Variants in ELP6 observed in about 807,000 individuals in gnomAD.
ELP6 encodes the protein elongator acetyltransferase complex subunit 6, also known as elongator complex protein 6.
ELP6 carries 23 observed loss-of-function variants against 28.1 expected under a neutral mutation model. That is an observed-to-expected ratio of 0.82 (90% confidence interval 0.59 to 1.16). The LOEUF (loss-of-function observed/expected upper bound fraction) is 1.16. Among genes scored for constraint, ELP6 ranks in the 50% most tolerant of loss-of-function variants. ELP6 has a pLI of 0.00. For missense variants in ELP6, 313 were observed against 334.6 expected, an observed-to-expected ratio of 0.94 and a Z score of 0.50; for synonymous variants, 132 against 135.8, an observed-to-expected ratio of 0.97 and a Z score of 0.19.
At chr3:47,498,796 C>G in intron 5 of ELP6, 2 of 775,690 alleles carry the variant, frequency 2.6e-6, no homozygotes, top group East Asian at 1.3e-4. Flanking sequence ...TGTACCAGAT[C>G]CCACAGTAGG....
intron 6 of ELP6, 32 bp downstream of exon 6, chr3:47,498,254 A>C: frequency 6.2e-7 from 1 of 1,610,868 alleles, no homozygotes; most frequent in Non-Finnish European, 8.5e-7. Context: ...TACACGGGCA[A>C]GAAGCCTGTT....
In ELP6 at chr3:47,513,681, G is replaced by C. The variant is rs1275735009; in HGVS notation, c.-91C>G. ...AGAGCAAAACACACCCGACAGCCCG[G>C]CTCGCGCAAGGAAGCGCGCATGCGC... On this transcript the variant is annotated 5_prime_UTR_variant, in exon 1 of 7. Coordinates refer to ENST00000296149, the MANE Select transcript of ELP6 (RefSeq NM_001031703.3). 2.6e-6 allele frequency: 4 copies of C among 1,534,188 alleles called. No individual in the cohort carries two copies. The highest frequency in any genetic ancestry group is 2.3e-5 in the South Asian group (2 of 86,584).
intron 3 of ELP6, among the ~76,000 whole-genome samples, chr3:47,508,437 C>T (rs1290692861): frequency 3.3e-5 from 5 of 151,958 alleles, no homozygotes; most frequent in Non-Finnish European, 7.4e-5. Flanking sequence ...GTAGAATGCA[C>T]GCCCCATGAG....
At chr3:47,497,629 C>A (rs926797554) in intron 6 of ELP6, among the ~76,000 whole-genome samples, 1 of 151,036 alleles carries the variant, frequency 6.6e-6, no homozygotes, top group African/African-American at 2.4e-5. Context: ...GAGTCTCCAC[C>A]TGTAAAAGGA....
chr3:47,504,095 G>C, intron 4 of ELP6: 1 of 475,026 alleles, frequency 2.1e-6, no homozygotes. Flanking sequence ...AAAGCATATA[G>C]TTCTGCCATC....
rs1708537236 is a variant in ELP6, at chr3:47,498,268, C to T, written c.672+18G>A. The T allele has an allele frequency of 6.2e-7, 1 of 1,612,370 alleles. No individual in the cohort carries two copies. The highest frequency in any genetic ancestry group is 1.7e-5 in the Admixed American group (1 of 59,966). ...GTACACGGGCAAGAAGCCTGTTGCCCAGGAGGCCCCTGCATACCTGCCCGT... is the reference window on the plus strand; with the variant it reads ...GTACACGGGCAAGAAGCCTGTTGCCTAGGAGGCCCCTGCATACCTGCCCGT... On this transcript the variant is annotated intron_variant, in intron 6 of 6. Coordinates refer to ENST00000296149, the MANE Select transcript of ELP6 (RefSeq NM_001031703.3).
chr3:47,509,520 G>A (rs1428079862), intron 3 of ELP6, among the ~76,000 whole-genome samples: 1 of 152,222 alleles, frequency 6.6e-6, no homozygotes, highest in African/African-American at 2.4e-5. Flanking sequence ...GGGGTCTGAA[G>A]CCCTAGACTT....
rs368832691 is a variant in ELP6, at chr3:47,512,910, C to A, written c.54+627G>T. 8 of 985,578 alleles carry A rather than the reference C, an allele frequency of 8.1e-6. No homozygotes were observed. In the African/African-American group the frequency reaches 1.2e-4, roughly 15 times the overall value. The allele number at this position is 985,578 out of a possible 1,614,324, so 61.1% of individuals were successfully genotyped here. On this transcript the variant is annotated intron_variant, in intron 1 of 6. Coordinates refer to ENST00000296149, the MANE Select transcript of ELP6 (RefSeq NM_001031703.3). ...TCCTCTGAGCGCCTGGGACCCCCCACCCCAGTGAACATGCACAGCGCGCCA... is the reference window on the plus strand; with the variant it reads ...TCCTCTGAGCGCCTGGGACCCCCCAACCCAGTGAACATGCACAGCGCGCCA...
At chr3:47,498,527 A>T in intron 5 of ELP6, 95 bp from the exon 6 acceptor site, 1 of 1,548,608 alleles carries the variant, frequency 6.5e-7, no homozygotes. Context: ...TCCCCTGTAC[A>T]TCCTCTCACA....
rs201253001 is a variant in ELP6 at position 47,504,426 on chromosome 3, C to T, written c.227G>A (p.Arg76Gln). ...QKLGVSLTMA[R>Q]ERGQLVFLEG... ...AAGGAACACAAGCTGCCCACGCTCC[C>T]GCGCCATGGTCAGGCTGACACCCTA... The change falls in exon 4 of 7, where the codon CGG becomes CAG. Residue 76 changes from arginine to glutamine, a missense_variant. Coordinates refer to ENST00000296149, the MANE Select transcript of ELP6 (RefSeq NM_001031703.3). The T allele has an allele frequency of 1.8e-4, 289 of 1,607,360 alleles. No homozygotes were observed. The highest frequency in any genetic ancestry group is 2.4e-4 in the Non-Finnish European group (283 of 1,176,302).
intron 3 of ELP6, among the ~76,000 whole-genome samples, chr3:47,508,113 C>A (rs1474751796): frequency 6.6e-6 from 1 of 152,240 alleles, no homozygotes; most frequent in Non-Finnish European, 1.5e-5. Context: ...GTTCTCCCTT[C>A]TCTGCAAAGG....
At chr3:47,511,435 A>C in intron 1 of ELP6, 1 of 1,373,802 alleles carries the variant, frequency 7.3e-7, no homozygotes, top group African/African-American at 1.5e-5. Context: ...ATTGTTACTC[A>C]TGATAGGCAA....
intron 5 of ELP6, among the ~76,000 whole-genome samples, chr3:47,500,976 C>T (rs1323398204): frequency 6.6e-6 from 1 of 152,222 alleles, no homozygotes; most frequent in Non-Finnish European, 1.5e-5. Flanking sequence ...TGGCATGTTA[C>T]AAGCTTCATC....
chr3:47,499,804 C>T, intron 5 of ELP6: 1 of 1,091,006 alleles, frequency 9.2e-7, no homozygotes, highest in Non-Finnish European at 1.1e-6. Context: ...GGGTTCTGTC[C>T]CTGCTGGGCT....
At chr3:47,496,640 G>A (rs1317939182) in intron 6 of ELP6, 2 of 602,774 alleles carry the variant, frequency 3.3e-6, no homozygotes, top group African/African-American at 4.0e-5. Context: ...GATTATGGGT[G>A]CGCATCACCA....
intron 3 of ELP6, 107 bp from the exon 4 acceptor site, chr3:47,504,555 G>A (rs1180641529): frequency 9.9e-6 from 14 of 1,409,132 alleles, no homozygotes; most frequent in Non-Finnish European, 1.2e-5. Context: ...TGGCAGAAGT[G>A]TATCTGATCA....
chr3:47,509,008 C>T (rs1463275504), intron 3 of ELP6, among the ~76,000 whole-genome samples: 1 of 152,110 alleles, frequency 6.6e-6, no homozygotes, highest in African/African-American at 2.4e-5. Flanking sequence ...TCGTGATCTG[C>T]CCACCTCAGC....
chr3:47,500,941 GGCTAC>G (rs1196558000), intron 5 of ELP6, among the ~76,000 whole-genome samples: 1 of 152,180 alleles, frequency 6.6e-6, no homozygotes, highest in Non-Finnish European at 1.5e-5. Context: ...ACTGACAAGT[GGCTAC>G]TGTGGGCCAG....
intron 4 of ELP6, chr3:47,503,369 G>GA: frequency 7.8e-7 from 1 of 1,289,818 alleles, no homozygotes; most frequent in South Asian, 1.2e-5. Context: ...CCAATGTTCA[G>GA]AAAGGAGGAA....
Sources: allele counts gnomAD v4.1 joint callset (sites outside exome capture counted in the v4.1 genomes callset), GRCh38; gene constraint gnomAD v4.1.1; transcripts MANE v1.5; gene names NCBI Gene and HGNC (gene_info 2026-07-23, HGNC 2026-07-21).